KIAA2012: variants seen among roughly 807,000 people sequenced by gnomAD.
KIAA2012 encodes KIAA2012, also known as uncharacterized protein KIAA2012.
KIAA2012 carries 125 observed loss-of-function variants against 150.6 expected under a neutral mutation model. That is an observed-to-expected ratio of 0.83 (90% CI 0.72 to 0.96). The LOEUF (loss-of-function observed/expected upper bound fraction) is 0.96. Among genes scored for constraint, KIAA2012 ranks in the 40% least tolerant of loss-of-function variants. The pLI, the probability that KIAA2012 is intolerant of heterozygous loss-of-function variation, is 0.00. For synonymous variants in KIAA2012, 462 were observed against 504.7 expected (o/e 0.92, Z 1.13); for missense variants, 1,219 against 1,354.9 (o/e 0.90, Z 1.57).
At chr2:202,175,959 T>C (rs1051624511) in intron 15 of KIAA2012, among the ~76,000 whole-genome samples, 1 of 152,166 alleles carries the variant, frequency 6.6e-6, no homozygotes, top group African/African-American at 2.4e-5. Flanking sequence ...GGCAATGGCA[T>C]TATAAAGGGA....
At chr2:202,155,141 T>C (rs1046258311) in intron 14 of KIAA2012, among the ~76,000 whole-genome samples, 5 of 152,214 alleles carry the variant, frequency 3.3e-5, no homozygotes, top group Non-Finnish European at 7.3e-5. Context: ...TAATTGTTAC[T>C]GTTTTACCAC....
intron 13 of KIAA2012, among the ~76,000 whole-genome samples, chr2:202,143,075 A>ATTTTTTTTTTTTT (rs59488285): frequency 5.6e-5 from 7 of 124,988 alleles, no homozygotes; most frequent in Non-Finnish European, 9.8e-5. Context: ...CACTGGTTTA[A>ATTTTTTTTTTTTT]TTTTTTTTTT....
chr2:202,196,345 C>A (rs1362510216), intron 21 of KIAA2012, among the ~76,000 whole-genome samples: 1 of 151,758 alleles, frequency 6.6e-6, no homozygotes, highest in African/African-American at 2.4e-5. Flanking sequence ...CAGGCGCCTG[C>A]CACCACGCCC....
chr2:202,099,182 G>T (rs1449180327), intron 5 of KIAA2012, among the ~76,000 whole-genome samples: 2 of 151,682 alleles, frequency 1.3e-5, no homozygotes, highest in African/African-American at 2.4e-5. Context: ...TAGAGATTGG[G>T]TCTCACTATG....
intron 21 of KIAA2012, 114 bp downstream of exon 21, chr2:202,194,476 T>A: frequency 2.1e-6 from 2 of 948,152 alleles, no homozygotes; most frequent in African/African-American, 2.2e-5. Context: ...TTAAGCACTC[T>A]AAATAATATA....
chr2:202,191,565 GAAA>G (rs1692328556), intron 19 of KIAA2012, among the ~76,000 whole-genome samples: 1 of 140,156 alleles, frequency 7.1e-6, no homozygotes, highest in Admixed American at 7.2e-5. Context: ...AAAAAAAAAA[GAAA>G]AAAAAGAAAA....
intron 13 of KIAA2012, among the ~76,000 whole-genome samples, chr2:202,154,326 G>A (rs1180413298): frequency 6.6e-6 from 1 of 152,238 alleles, no homozygotes; most frequent in Admixed American, 6.5e-5. Context: ...AGCAGCTAAT[G>A]GCTTTGGGCA....
chr2:202,182,283 G>A (rs1692137447), intron 15 of KIAA2012, among the ~76,000 whole-genome samples: 1 of 151,462 alleles, frequency 6.6e-6, no homozygotes, highest in South Asian at 2.1e-4. Context: ...AGCTAATTTT[G>A]TATTTTTACT....
At chr2:202,076,056 T>C (rs1360512200) in intron 2 of KIAA2012, among the ~76,000 whole-genome samples, 1 of 152,260 alleles carries the variant, frequency 6.6e-6, no homozygotes, top group Non-Finnish European at 1.5e-5. Context: ...TCTCCATTTT[T>C]GCACACACCT....
intron 2 of KIAA2012, among the ~76,000 whole-genome samples, chr2:202,078,115 A>G (rs1354589577): frequency 6.6e-6 from 1 of 152,230 alleles, no homozygotes; most frequent in Non-Finnish European, 1.5e-5. Context: ...TCAAAGATCT[A>G]TGCAGAAAAA....
chr2:202,190,301 G>A lies in KIAA2012; in HGVS notation c.2619G>A (p.Glu873=). ...TGAGCGGGCCTGATGTCAGCTATGAGGAAACAGAAGACACCTCAAATAGAG... is the reference window on the plus strand; with the variant it reads ...TGAGCGGGCCTGATGTCAGCTATGAAGAAACAGAAGACACCTCAAATAGAG... The part of the protein sequence containing the change: ...AELSGPDVSY[E]ETEDTSNRGS... Residue 873 remains glutamate, a synonymous_variant, in exon 19 of 24, where the codon GAG becomes GAA. Transcript: ENST00000498697. 1 of 1,550,562 alleles carries A rather than the reference G, an allele frequency of 6.4e-7. No individual in the cohort carries two copies. The highest frequency in any genetic ancestry group is 8.7e-7 in the Non-Finnish European group (1 of 1,147,004).
intron 14 of KIAA2012, among the ~76,000 whole-genome samples, chr2:202,160,915 G>A (rs1218339770): frequency 3.9e-5 from 6 of 152,130 alleles, no homozygotes; most frequent in Admixed American, 6.5e-5. Flanking sequence ...GCTGGAGGCC[G>A]CACTTCAGAC....
intron 13 of KIAA2012, among the ~76,000 whole-genome samples, chr2:202,141,009 C>G (rs1691186793): frequency 6.6e-6 from 1 of 152,206 alleles, no homozygotes; most frequent in Non-Finnish European, 1.5e-5. Context: ...TTACCACCCT[C>G]TAATGAGAAG....
intron 21 of KIAA2012, 95 bp downstream of exon 21, chr2:202,194,457 C>T: frequency 3.0e-6 from 4 of 1,344,500 alleles, no homozygotes; most frequent in South Asian, 2.9e-5. Context: ...TATCCTAGGC[C>T]TTAGTGTGTT....
Position 202,097,545 on chromosome 2 carries a change from C to T in KIAA2012, c.796C>T (p.Gln266Ter). 2 of 1,549,918 alleles carry T rather than the reference C, an allele frequency of 1.3e-6. No individual in the cohort carries two copies. The highest frequency in any genetic ancestry group is 1.7e-6 in the Non-Finnish European group (2 of 1,146,926). The change falls in exon 5 of 24, where the codon CAG becomes TAG. Residue 266 changes from glutamine to a stop codon, truncating the protein, a stop_gained. Coordinates refer to ENST00000498697, the MANE Select transcript of KIAA2012 (RefSeq NM_001277372.4). LOFTEE classifies it high-confidence loss of function. ...GACTCGCTTGCCACCACGCAGGAAG[C>T]AGCCCTGGCAGGAAGATGAAACGCA... ...QGTRLPPRRK[Q>*]PWQEDETQAE...
intron 5 of KIAA2012, among the ~76,000 whole-genome samples, chr2:202,097,880 G>T (rs1299472204): frequency 1.3e-5 from 2 of 152,078 alleles, no homozygotes; most frequent in Non-Finnish European, 2.9e-5. Context: ...ATGAGCCACC[G>T]AGCCTAGCCA....
At chr2:202,112,196 G>A (rs531505669) in intron 10 of KIAA2012, among the ~76,000 whole-genome samples, 273 of 152,242 alleles carry the variant, frequency 1.8e-3, no homozygotes, top group African/African-American at 6.4e-3. Context: ...GAGGATTAGA[G>A]GGTTGGAGCT....
intron 5 of KIAA2012, among the ~76,000 whole-genome samples, chr2:202,098,423 C>G (rs1689950853): frequency 1.3e-5 from 2 of 152,128 alleles, no homozygotes; most frequent in African/African-American, 4.8e-5. Context: ...ACGCCTTCTC[C>G]TCCTGGAAAG....
At chr2:202,093,246 C>G (rs1689777767) in intron 4 of KIAA2012, 61 bp downstream of exon 4, 25 of 1,495,750 alleles carry the variant, frequency 1.7e-5, no homozygotes, top group Non-Finnish European at 2.1e-5. Flanking sequence ...ATTGTTAACA[C>G]CTTAAAATGG....
Sources: gnomAD v4.1 joint callset for allele counts (sites outside exome capture counted in the v4.1 genomes callset) on GRCh38, gnomAD v4.1.1 for gene constraint, MANE v1.5 for transcripts, NCBI Gene and HGNC (gene_info 2026-07-23, HGNC 2026-07-21) for gene names.